Variants in AGBL4 observed in about 807,000 individuals in gnomAD.
AGBL4 encodes the protein AGBL carboxypeptidase 4.
AGBL4 carries 58 observed loss-of-function variants against 66.4 expected under a neutral mutation model. The observed-to-expected ratio is 0.87, with a 90% CI of 0.71 to 1.09. The LOEUF (loss-of-function observed/expected upper bound fraction) is 1.09, where lower values mean the gene tolerates loss of function less well. Ranked by LOEUF, AGBL4 falls within the 50% of genes least tolerant of loss-of-function variation. The pLI, the probability that AGBL4 is intolerant of heterozygous loss-of-function variation, is 0.00. For missense variants in AGBL4, 579 were observed against 631.0 expected (o/e 0.92, Z 0.88); for synonymous variants, 234 against 222.9 (o/e 1.05, Z -0.44).
intron 3 of AGBL4, among the ~76,000 whole-genome samples, chr1:49,417,943 G>A (rs1259024960): frequency 6.6e-6 from 1 of 152,136 alleles, no homozygotes. Context: ...CAGTAGAAAG[G>A]AGACTTTTCA....
At chr1:49,846,662 G>C (rs1646153451) in intron 2 of AGBL4, among the ~76,000 whole-genome samples, 2 of 152,132 alleles carry the variant, frequency 1.3e-5, no homozygotes, top group African/African-American at 4.8e-5. Flanking sequence ...ACAACTCAAG[G>C]AGGCAACCCC....
At chr1:49,308,704 G>A (rs944972315) in intron 3 of AGBL4, among the ~76,000 whole-genome samples, 1 of 152,008 alleles carries the variant, frequency 6.6e-6, no homozygotes, top group Non-Finnish European at 1.5e-5. Context: ...AGGGATTAGG[G>A]ACAATTTAAA....
At chr1:49,461,015 T>A (rs1646500487) in intron 3 of AGBL4, among the ~76,000 whole-genome samples, 2 of 151,744 alleles carry the variant, frequency 1.3e-5, no homozygotes, top group Non-Finnish European at 2.9e-5. Flanking sequence ...CGTTTTTGTC[T>A]CATAGCTCTT....
intron 3 of AGBL4, among the ~76,000 whole-genome samples, chr1:49,391,801 T>A (rs1013966926): frequency 1.3e-5 from 2 of 152,096 alleles, no homozygotes; most frequent in East Asian, 1.9e-4. Flanking sequence ...GACCTCGTGA[T>A]CTGCCCACCT....
At chr1:49,033,177 A>G (rs573574976) in intron 5 of AGBL4, among the ~76,000 whole-genome samples, 4 of 152,186 alleles carry the variant, frequency 2.6e-5, no homozygotes, top group African/African-American at 7.2e-5. Flanking sequence ...AGGCAGTAAC[A>G]AAAATTATGC....
intron 3 of AGBL4, among the ~76,000 whole-genome samples, chr1:49,374,976 T>G (rs1644442230): frequency 1.3e-5 from 2 of 152,152 alleles, no homozygotes; most frequent in South Asian, 4.1e-4. Flanking sequence ...CTATTTCTAT[T>G]GCTTTACCTT....
At chr1:49,073,569 C>T (rs1644652477) in intron 4 of AGBL4, among the ~76,000 whole-genome samples, 1 of 152,200 alleles carries the variant, frequency 6.6e-6, no homozygotes, top group Admixed American at 6.5e-5. Flanking sequence ...GCCTGGGTAT[C>T]ACCAGTGGAG....
intron 4 of AGBL4, among the ~76,000 whole-genome samples, chr1:49,142,421 A>G (rs72895699): frequency 0.021 from 3,271 of 152,288 alleles, 98 homozygotes; most frequent in African/African-American, 0.066. Flanking sequence ...TCTGCCACTC[A>G]CTAGCTGAGT....
At chr1:49,951,018 T>C (rs1296835891) in intron 1 of AGBL4, among the ~76,000 whole-genome samples, 1 of 151,618 alleles carries the variant, frequency 6.6e-6, no homozygotes, top group Non-Finnish European at 1.5e-5. Flanking sequence ...CACTTATATG[T>C]AGAATCAGAA....
intron 3 of AGBL4, among the ~76,000 whole-genome samples, chr1:49,597,270 ATC>A (rs1644870438): frequency 6.6e-6 from 1 of 152,234 alleles, no homozygotes; most frequent in South Asian, 2.1e-4. Context: ...AATAGACATT[ATC>A]TGTGTCTTAA....
intron 5 of AGBL4, among the ~76,000 whole-genome samples, chr1:48,974,855 C>T (rs1241450856): frequency 1.3e-5 from 2 of 152,096 alleles, no homozygotes; most frequent in Admixed American, 1.3e-4. Context: ...TCAAAGACCA[C>T]AGGAAACAGA....
rs80063625 is a variant in AGBL4 at position 48,747,934 on chromosome 1, T to C, written c.635-84693A>G. Among the ~76,000 whole-genome samples, 1,450 of 152,302 alleles carry C rather than the reference T, an allele frequency of 9.5e-3. 25 individuals are homozygous for C. The highest frequency in any genetic ancestry group is 0.033 in the African/African-American group (1,365 of 41,560). Reference sequence around the variant, plus strand: ...TCGATTCTTTTTTCTTTCTTTCTTTTTTTTAGAAAAAAGGACTAAATCCTT... The same window carrying C: ...TCGATTCTTTTTTCTTTCTTTCTTTCTTTTAGAAAAAAGGACTAAATCCTT... On this transcript the variant is annotated intron_variant, in intron 6 of 13. Transcript: ENST00000371839.
chr1:48,679,037 C>T (rs1219598162), intron 6 of AGBL4, among the ~76,000 whole-genome samples: 1 of 152,166 alleles, frequency 6.6e-6, no homozygotes, highest in African/African-American at 2.4e-5. Context: ...GATGGATATG[C>T]AAGTTGACAG....
intron 5 of AGBL4, among the ~76,000 whole-genome samples, chr1:49,030,346 T>A (rs1033364175): frequency 1.3e-5 from 2 of 152,086 alleles, no homozygotes; most frequent in Non-Finnish European, 2.9e-5. Context: ...AACCAGGAAG[T>A]GGGCCCTCAA....
At chr1:49,078,648 G>A (rs1644754633) in intron 4 of AGBL4, among the ~76,000 whole-genome samples, 1 of 152,048 alleles carries the variant, frequency 6.6e-6, no homozygotes, top group African/African-American at 2.4e-5. Flanking sequence ...CCTCTTTACT[G>A]GTCTCCTTTA....
At chr1:49,629,929 G>T (rs553726619) in intron 3 of AGBL4, among the ~76,000 whole-genome samples, 5 of 152,192 alleles carry the variant, frequency 3.3e-5, no homozygotes, top group African/African-American at 1.2e-4. Flanking sequence ...TCTTATTGTG[G>T]ATTTAATCAG....
chr1:49,543,350 C>T (rs182638698), intron 3 of AGBL4, among the ~76,000 whole-genome samples: 1 of 152,156 alleles, frequency 6.6e-6, no homozygotes, highest in Admixed American at 6.6e-5. Flanking sequence ...CTTATTAGTC[C>T]CTTCTCTATT....
At chr1:49,947,963 A>AATATATATATTT (rs1553151735) in intron 1 of AGBL4, among the ~76,000 whole-genome samples, 3 of 74,942 alleles carry the variant, frequency 4.0e-5, no homozygotes, top group African/African-American at 1.2e-4. Context: ...TATATATATA[A>AATATATATATTT]ATATATATAT....
intron 2 of AGBL4, among the ~76,000 whole-genome samples, chr1:49,779,578 A>G (rs188154193): frequency 3.3e-4 from 50 of 152,256 alleles, no homozygotes; most frequent in Admixed American, 1.0e-3. Context: ...AGGTCCCCCA[A>G]TAAGGAGGTC....
Sources: gnomAD v4.1 joint callset for allele counts (sites outside exome capture counted in the v4.1 genomes callset) on GRCh38, gnomAD v4.1.1 for gene constraint, MANE v1.5 for transcripts, NCBI Gene and HGNC (gene_info 2026-07-23, HGNC 2026-07-21) for gene names.